The following PCDHGA1 variants were observed in gnomAD, a reference collection of about 807,000 sequenced individuals.
The protein encoded by PCDHGA1 is protocadherin gamma subfamily A, 1.
Under a neutral mutation model 58.0 loss-of-function variants are expected in PCDHGA1, and 32 were observed. The ratio of observed to expected loss-of-function variants is 0.55; its 90% CI spans 0.42 to 0.74. The LOEUF (loss-of-function observed/expected upper bound fraction) is 0.74, where lower values mean the gene tolerates loss of function less well. Ranked by LOEUF, PCDHGA1 falls within the 30% of genes least tolerant of loss-of-function variation. The probability of loss-of-function intolerance (pLI) is 0.00; values close to 1 mark genes in which losing one functional copy is unlikely to be tolerated. For synonymous variants in PCDHGA1, 498 were observed against 501.1 expected, an observed-to-expected ratio of 0.99 and a Z score of 0.08; for missense variants, 1,205 against 1,182.3, an observed-to-expected ratio of 1.02 and a Z score of -0.28.
chr5:141,410,517 C>A, intron 1 of PCDHGA1: 1 of 1,613,926 alleles, frequency 6.2e-7, no homozygotes, highest in Non-Finnish European at 8.5e-7. Context: ...TGCAGTGTGC[C>A]CCTACATTCC....
chr5:141,450,823 A>ATT (rs1453980247), intron 1 of PCDHGA1, among the ~76,000 whole-genome samples: 2 of 133,076 alleles, frequency 1.5e-5, no homozygotes, highest in East Asian at 2.2e-4. Flanking sequence ...TAATATTATT[A>ATT]TTATTATTTT....
In PCDHGA1 at chr5:141,476,012, T is replaced by C. The variant is rs2099383969; in HGVS notation, c.2422-18795T>C. The stretch of plus-strand genomic sequence containing the variant: ...CAAATCAACGGCATCCAGAAAGCCA[T>C]GTCGGACTCGGCGCCCAGCGCCCAA... On this transcript the variant is annotated intron_variant, in intron 1 of 3. Coordinates refer to ENST00000517417, the MANE Select transcript of PCDHGA1 (RefSeq NM_018912.3). This position sits in a 1 kb window ranked among gnomAD's most constrained non-coding sequence, Gnocchi z 7.6. 7.6e-7 allele frequency: 1 copy of C among 1,317,178 alleles called. No individual in the cohort carries two copies. The highest frequency in any genetic ancestry group is 1.4e-5 in the South Asian group (1 of 69,696). The allele number at this position is 1,317,178 out of a possible 1,614,324, so 81.6% of individuals were successfully genotyped here. A position where few individuals can be genotyped will look rare whatever the true frequency, so the allele number is the denominator to read the frequency against.
At chr5:141,344,775 C>A (rs749298482) in intron 1 of PCDHGA1, 1 of 1,613,954 alleles carries the variant, frequency 6.2e-7, no homozygotes, top group South Asian at 1.1e-5. Flanking sequence ...GCCTGAGTAC[C>A]GTGTGAGTGT....
chr5:141,374,202 A>T (rs1446012115), intron 1 of PCDHGA1: 5 of 1,613,868 alleles, frequency 3.1e-6, no homozygotes, highest in Non-Finnish European at 4.2e-6. Context: ...GAGGAGCTGG[A>T]GAAAGGCTCC....
intron 1 of PCDHGA1, chr5:141,418,101 G>A (rs965772298): frequency 3.7e-6 from 6 of 1,614,082 alleles, no homozygotes; most frequent in Non-Finnish European, 5.1e-6. Flanking sequence ...GACGCGCAGA[G>A]CGGGGACTTA....
intron 1 of PCDHGA1, among the ~76,000 whole-genome samples, chr5:141,472,602 T>C (rs1032061805): frequency 4.6e-5 from 7 of 152,026 alleles, no homozygotes; most frequent in African/African-American, 1.4e-4. Context: ...CTTGAAATTA[T>C]AAAACAAAGA....
intron 1 of PCDHGA1, among the ~76,000 whole-genome samples, chr5:141,430,213 A>G (rs892801149): frequency 6.6e-6 from 1 of 151,106 alleles, no homozygotes; most frequent in Non-Finnish European, 1.5e-5. Context: ...AAATTATTAT[A>G]TTATATGATT....
At chr5:141,385,118 T>C in intron 1 of PCDHGA1, 1 of 1,614,216 alleles carries the variant, frequency 6.2e-7, no homozygotes. Context: ...ACCTCGCACT[T>C]TGTGGGCATG....
chr5:141,375,028 T>G (rs775365002), intron 1 of PCDHGA1: 2 of 1,613,924 alleles, frequency 1.2e-6, no homozygotes, highest in Admixed American at 1.7e-5. Flanking sequence ...CGAGTTTTTA[T>G]GAGCTGGGTG....
rs1245731818 is a variant in PCDHGA1, at chr5:141,476,700, A to C, written c.2422-18107A>C. 1 of 1,614,096 alleles carries C rather than the reference A, an allele frequency of 6.2e-7. No homozygotes were observed. Among genetic ancestry groups the C allele is most frequent in the Non-Finnish European group, 8.5e-7 (1 of 1,180,016 alleles). On this transcript the variant is annotated intron_variant, in intron 1 of 3. Coordinates refer to ENST00000517417, the MANE Select transcript of PCDHGA1 (RefSeq NM_018912.3). This position sits in a 1 kb window ranked among gnomAD's most constrained non-coding sequence, Gnocchi z 7.6. Reference sequence around the variant, plus strand: ...CGGGAGGACAGCACCAAGTACGCGGAGCTGGTGTTGGAGCGCGCCCTGGAC... The same window carrying C: ...CGGGAGGACAGCACCAAGTACGCGGCGCTGGTGTTGGAGCGCGCCCTGGAC...
intron 1 of PCDHGA1, among the ~76,000 whole-genome samples, chr5:141,480,408 C>A (rs371569489): frequency 7.2e-6 from 1 of 138,932 alleles, no homozygotes; most frequent in African/African-American, 2.9e-5. Flanking sequence ...GAGTGAGACC[C>A]TGTCTCAAAA....
At chr5:141,364,846 C>G (rs558676002) in intron 1 of PCDHGA1, 1 of 1,613,994 alleles carries the variant, frequency 6.2e-7, no homozygotes, top group South Asian at 1.1e-5. Context: ...GTTACCAGCT[C>G]AGCTCCAATC....
chr5:141,347,012 CCTCTCTCTTTCCTCCTTCCTTCCTTCCT>C (rs1554073351), intron 1 of PCDHGA1, among the ~76,000 whole-genome samples: 6 of 150,868 alleles, frequency 4.0e-5, no homozygotes, highest in South Asian at 2.1e-4. Context: ...TTCCTTCCTT[CCTCTCTCTTTCCTCCTTCCTTCCTTCCT>C]CTCTCTCTTT....
In PCDHGA1 at chr5:141,332,227, T is replaced by C; in HGVS notation, c.1543T>C (p.Tyr515His). ...CATCAACTCCGACACTGGGGTCCTG[T>C]ATGCGCTGCGATCCTTCGACTATGA... The part of the protein sequence containing the change: ...LSINSDTGVL[Y>H]ALRSFDYEQF... The change falls in exon 1 of 4, where the codon TAT becomes CAT. Residue 515 changes from tyrosine (Y) to histidine (H), a missense_variant. Transcript: ENST00000517417. This position sits in a 1 kb window ranked among gnomAD's most constrained non-coding sequence, Gnocchi z 4.6. 2 of 1,614,236 alleles carry C rather than the reference T, an allele frequency of 1.2e-6. No individual in the cohort carries two copies. Among genetic ancestry groups the C allele is most frequent in the African/African-American group, 1.3e-5 (1 of 75,072 alleles).
At chr5:141,339,411 C>T (rs199543217) in intron 1 of PCDHGA1, 3 of 1,614,222 alleles carry the variant, frequency 1.9e-6, no homozygotes, top group Non-Finnish European at 1.7e-6. Context: ...GAAACCACTA[C>T]GCCAGGATTC....
chr5:141,435,629 A>G (rs2097772414), intron 1 of PCDHGA1, among the ~76,000 whole-genome samples: 1 of 152,162 alleles, frequency 6.6e-6, no homozygotes, highest in Admixed American at 6.5e-5. Flanking sequence ...TAACTTTTAC[A>G]ACTATGGGAA....
chr5:141,487,848 G>C lies in PCDHGA1; in HGVS notation c.2422-6959G>C. ...TCATGCCTATATCTGAGTAAGAAAT[G>C]AAAGTAATTGGTGATCAAGAGCCAG... is the stretch of plus-strand genomic sequence containing the variant. On this transcript the variant is annotated intron_variant, in intron 1 of 3. Coordinates refer to ENST00000517417, the MANE Select transcript of PCDHGA1 (RefSeq NM_018912.3). The surrounding 1 kb of genome is among the most constrained non-coding windows in gnomAD (Gnocchi z 5.0). 1 of 1,022,244 alleles carries C rather than the reference G, an allele frequency of 9.8e-7. No homozygotes were observed. The highest frequency in any genetic ancestry group is 1.4e-6 in the Non-Finnish European group (1 of 711,992). The allele number at this position is 1,022,244 out of a possible 1,614,324, so 63.3% of individuals were successfully genotyped here. A position where few individuals can be genotyped will look rare whatever the true frequency, so the allele number is the denominator to read the frequency against.
intron 1 of PCDHGA1, chr5:141,351,871 G>A: frequency 1.2e-6 from 2 of 1,613,256 alleles, no homozygotes; most frequent in Non-Finnish European, 8.5e-7. Flanking sequence ...GCTCCCCCGC[G>A]CTCAGCGCCA....
In PCDHGA1 at chr5:141,489,750, C is replaced by A. The variant is rs753217170; in HGVS notation, c.2422-5057C>A. 1 of 1,614,098 alleles carries A rather than the reference C, an allele frequency of 6.2e-7. No individual in the cohort carries two copies. The highest frequency in any genetic ancestry group is 1.1e-5 in the South Asian group (1 of 91,080). Reference sequence around the variant, plus strand: ...TGGGCACCAATACTGTGAGCTTTTACACTCTAAGCCCCAACAGCCACTTCT... The same window carrying A: ...TGGGCACCAATACTGTGAGCTTTTAAACTCTAAGCCCCAACAGCCACTTCT... On this transcript the variant is annotated intron_variant, in intron 1 of 3. Coordinates refer to ENST00000517417, the MANE Select transcript of PCDHGA1 (RefSeq NM_018912.3). This position sits in a 1 kb window ranked among gnomAD's most constrained non-coding sequence, Gnocchi z 4.5.
Sources: allele counts gnomAD v4.1 joint callset (sites outside exome capture counted in the v4.1 genomes callset), GRCh38; gene constraint gnomAD v4.1.1; non-coding constraint Gnocchi (gnomAD v3.1); transcripts MANE v1.5; gene names NCBI Gene and HGNC (gene_info 2026-07-23, HGNC 2026-07-21).